The following SPNS2 variants were observed in gnomAD, a reference collection of about 807,000 sequenced individuals.
SPNS2 encodes SPNS lysolipid transporter 2, sphingosine-1-phosphate.
SPNS2 carries 37 observed loss-of-function variants against 57.6 expected under a neutral mutation model. The observed-to-expected ratio is 0.64, with a 90% CI of 0.49 to 0.85. The LOEUF (loss-of-function observed/expected upper bound fraction) is 0.85. Ranked by LOEUF, SPNS2 falls within the 40% of genes least tolerant of loss-of-function variation. The probability of loss-of-function intolerance (pLI) is 0.00; values close to 1 mark genes in which losing one functional copy is unlikely to be tolerated. For missense variants in SPNS2, 831 were observed against 779.1 expected (o/e 1.07, Z -0.79); for synonymous variants, 440 against 346.9 (o/e 1.27, Z -2.98).
Position 4,533,307 on chromosome 17 carries a change from A to C in SPNS2, c.1153A>C (p.Thr385Pro). 1 of 1,611,734 alleles carries C rather than the reference A, an allele frequency of 6.2e-7. No individual in the cohort carries two copies. Among genetic ancestry groups the C allele is most frequent in the Non-Finnish European group, 8.5e-7 (1 of 1,179,286 alleles). The change falls in exon 8 of 13, where the codon ACG (threonine) becomes CCG (proline). Residue 385 changes from threonine to proline, a missense_variant. By Grantham distance (38) the Thr-to-Pro change is conservative (BLOSUM62 -1). This residue lies in a region of SPNS2 where 526 missense variants were observed against 400.9 expected (regional missense o/e 1.31). Coordinates refer to ENST00000329078, the MANE Select transcript of SPNS2 (RefSeq NM_001124758.3). Reference protein sequence around the residue: ...FLGVVTGAGATRWCRLKTQRA... With the variant: ...FLGVVTGAGAPRWCRLKTQRA... ...GGGCGTGGTCACGGGGGCAGGAGCC[A>C]CGCGCTGGTGCCGCCTGAAGACCCA...
At chr17:4,520,383 A>G (rs770052881) in intron 2 of SPNS2, among the ~76,000 whole-genome samples, 47 of 152,072 alleles carry the variant, frequency 3.1e-4, no homozygotes, top group Admixed American at 6.5e-4. Context: ...AGAGGAGAGA[A>G]TGGAGCATGA....
At chr17:4,508,399 C>T (rs1179598036) in intron 1 of SPNS2, among the ~76,000 whole-genome samples, 1 of 152,134 alleles carries the variant, frequency 6.6e-6, no homozygotes, top group Non-Finnish European at 1.5e-5. Context: ...TGGGGAGGGC[C>T]CCAGGAAGCT....
Position 4,536,284 on chromosome 17 carries a change from A to G in SPNS2, c.1465A>G (p.Ser489Gly), listed in dbSNP as rs1428880594. The change falls in exon 11 of 13, where the codon AGC becomes GGC. Residue 489 changes from serine to glycine, a missense_variant. By Grantham distance (56) the Ser-to-Gly change is moderately conservative (BLOSUM62 0). Coordinates refer to ENST00000329078, the MANE Select transcript of SPNS2 (RefSeq NM_001124758.3). Reference protein sequence around the residue: ...IGFISDLIRQSTKDSPLWEFL... With the variant: ...IGFISDLIRQGTKDSPLWEFL... ...GCAGATCTCAGACCTGATCCGCCAG[A>G]GCACTAAGGACTCCCCGCTCTGGGA... 1.2e-6 allele frequency: 2 copies of G among 1,612,606 alleles called. No homozygotes were observed. The highest frequency in any genetic ancestry group is 1.7e-5 in the Admixed American group (1 of 60,004).
intron 1 of SPNS2, among the ~76,000 whole-genome samples, chr17:4,504,652 C>T (rs1904626045): frequency 6.6e-6 from 1 of 152,152 alleles, no homozygotes; most frequent in African/African-American, 2.4e-5. Context: ...CCTGTGGGGG[C>T]CTGAAATCTT....
At chr17:4,534,469 A>C (rs1453891313) in intron 9 of SPNS2, 4 of 158,592 alleles carry the variant, frequency 2.5e-5, no homozygotes, top group African/African-American at 9.6e-5. Context: ...CAGCCTGGCC[A>C]GGGTCAGGAG....
At chr17:4,532,368 GA>G (rs1240175118) in intron 5 of SPNS2, among the ~76,000 whole-genome samples, 173 bp from the exon 6 acceptor site, 8 of 152,082 alleles carry the variant, frequency 5.3e-5, no homozygotes, top group Non-Finnish European at 1.0e-4. Context: ...CCAGTCTCTT[GA>G]CCGACCTCAG....
At chr17:4,502,379 C>CA (rs11327895) in intron 1 of SPNS2, among the ~76,000 whole-genome samples, 1,850 of 138,964 alleles carry the variant, frequency 0.013, 11 homozygotes, top group Middle Eastern at 0.033. Context: ...GGCTCTGTCT[C>CA]AAAAAAAAAA....
At position 4,532,598 on chromosome 17, in the gene SPNS2, C is replaced by T; in HGVS notation, c.849C>T (p.Ala283=). 1 of 1,614,066 alleles carries T rather than the reference C, an allele frequency of 6.2e-7. No individual in the cohort carries two copies. The highest frequency in any genetic ancestry group is 8.5e-7 in the Non-Finnish European group (1 of 1,179,936). Residue 283 remains alanine (A), a synonymous_variant, in exon 6 of 13, where the codon GCC becomes GCT. Transcript: ENST00000329078. ...CACTCATCCTCATTCTGGTCCCAGC[C>T]ACTAAAAGGGGTCATGCCGACCAGC... The part of the protein sequence containing the change: ...TGTLILILVP[A]TKRGHADQLG...
At position 4,538,846 on chromosome 17, in the gene SPNS2, C is replaced by G; in HGVS notation, c.*1398C>G. On this transcript the variant is annotated 3_prime_UTR_variant, in exon 13 of 13. Transcript: ENST00000329078. Reference sequence around the variant, plus strand: ...CCAAAGACCAGCCTCCACCCCCACTCCAGCCTCAGCGGGGCCCCAGCGATG... The same window carrying G: ...CCAAAGACCAGCCTCCACCCCCACTGCAGCCTCAGCGGGGCCCCAGCGATG... 1.3e-6 allele frequency: 1 copy of G among 779,456 alleles called. No homozygotes were observed. The highest frequency in any genetic ancestry group is 2.4e-6 in the Non-Finnish European group (1 of 417,400). The allele number at this position is 779,456 out of a possible 1,614,324, so 48.3% of individuals were successfully genotyped here. A position where few individuals can be genotyped will look rare whatever the true frequency, so the allele number is the denominator to read the frequency against.
rs758074412 is a variant in SPNS2, at chr17:4,512,767, C to T, written c.371-480C>T. Among the ~76,000 whole-genome samples the T allele has an allele frequency of 3.3e-5, 5 of 152,026 alleles. No homozygotes were observed. Among genetic ancestry groups the T allele is most frequent in the East Asian group, 1.9e-4 (1 of 5,176 alleles). On this transcript the variant is annotated intron_variant, in intron 1 of 12. Transcript: ENST00000329078. This position sits in a 1 kb window ranked among gnomAD's most constrained non-coding sequence, Gnocchi z 5.2. ...ATGTACAGGTGTGTGCGTGTGTGTG[C>T]GAATGTGGTTGTGCACATGTGCAGG... is the stretch of plus-strand genomic sequence containing the variant.
At chr17:4,522,926 T>C (rs903425285) in intron 2 of SPNS2, among the ~76,000 whole-genome samples, 1 of 152,240 alleles carries the variant, frequency 6.6e-6, no homozygotes, top group African/African-American at 2.4e-5. Flanking sequence ...CGGCCTTTGT[T>C]CGACATCCCC....
chr17:4,511,395 G>A lies in SPNS2; in HGVS notation c.371-1852G>A, dbSNP rs73335822. On this transcript the variant is annotated intron_variant, in intron 1 of 12. Transcript: ENST00000329078. The surrounding 1 kb of genome is among the most constrained non-coding windows in gnomAD (Gnocchi z 4.6). ...CCATGAGTAGTTTGGGGTGGCTAGT[G>A]GAGGGGTGGTGTCCTGAGAAGTGAG... is the stretch of plus-strand genomic sequence containing the variant. Among the ~76,000 whole-genome samples, 5,701 of 152,300 alleles carry A rather than the reference G, an allele frequency of 0.037. 348 individuals are homozygous for A. The highest frequency in any genetic ancestry group is 0.13 in the African/African-American group (5,403 of 41,528).
In SPNS2 at chr17:4,510,748, G is replaced by A. The variant is rs1177694976; in HGVS notation, c.371-2499G>A. Among the ~76,000 whole-genome samples the A allele has an allele frequency of 1.3e-5, 2 of 152,116 alleles. No individual in the cohort carries two copies. Among genetic ancestry groups the A allele is most frequent in the East Asian group, 1.9e-4 (1 of 5,188 alleles). ...CCTGCTCTGAGTCCTGGAGATGACC[G>A]GCCACGGCTCCTGCCTGGCTTGTGG... On this transcript the variant is annotated intron_variant, in intron 1 of 12. Transcript: ENST00000329078. The surrounding 1 kb of genome is among the most constrained non-coding windows in gnomAD (Gnocchi z 4.4).
At chr17:4,505,573 A>G (rs1257610781) in intron 1 of SPNS2, among the ~76,000 whole-genome samples, 4 of 152,182 alleles carry the variant, frequency 2.6e-5, no homozygotes, top group Non-Finnish European at 5.9e-5. Context: ...GCTTTTCTAC[A>G]TTCAAGAGGG....
At chr17:4,532,449 C>T in intron 5 of SPNS2, 93 bp from the exon 6 acceptor site, 1 of 1,566,872 alleles carries the variant, frequency 6.4e-7, no homozygotes. Flanking sequence ...AGCCTATGGC[C>T]CAGAGAAGGC....
At chr17:4,535,849 T>A (rs1399285895) in intron 9 of SPNS2, among the ~76,000 whole-genome samples, 2 of 146,966 alleles carry the variant, frequency 1.4e-5, no homozygotes, top group African/African-American at 5.2e-5. Flanking sequence ...TGGGAGGGGC[T>A]CAGGGAGGAG....
At chr17:4,536,576 G>T in intron 11 of SPNS2, 150 bp downstream of exon 11, 1 of 1,016,406 alleles carries the variant, frequency 9.8e-7, no homozygotes, top group Non-Finnish European at 1.4e-6. Context: ...CAGCCCTGAG[G>T]CCCAGTGCCA....
intron 1 of SPNS2, among the ~76,000 whole-genome samples, chr17:4,508,242 C>T (rs1904733110): frequency 2.0e-5 from 3 of 152,184 alleles, no homozygotes; most frequent in Admixed American, 1.3e-4. Flanking sequence ...GGAAGAGGCA[C>T]AGCTGTGGCC....
chr17:4,538,937 CCTTT>C lies in SPNS2; in HGVS notation c.*1490_*1493del, dbSNP rs745311309. On this transcript the variant is annotated 3_prime_UTR_variant, in exon 13 of 13. Transcript: ENST00000329078. ...TCTTCCTTCCGGAAGCCAAACTGCTCCTTTATTTTTTAGAGCTGCTGATTGTGAA... is the reference window on the plus strand; with the variant it reads ...TCTTCCTTCCGGAAGCCAAACTGCTCATTTTTTAGAGCTGCTGATTGTGAA... 13 of 783,426 alleles carry C rather than the reference CCTTT, an allele frequency of 1.7e-5. No individual in the cohort carries two copies. Among genetic ancestry groups the C allele is most frequent in the Non-Finnish European group, 2.9e-5 (12 of 420,276 alleles). 48.5% of individuals were successfully genotyped at this position (783,426 alleles called of 1,614,324 possible).
Sources: gnomAD v4.1 joint callset for allele counts (sites outside exome capture counted in the v4.1 genomes callset) on GRCh38, gnomAD v4.1.1 for gene constraint, gnomAD v4.1.1 regional missense constraint, Gnocchi (gnomAD v3.1) non-coding constraint, MANE v1.5 for transcripts, NCBI Gene and HGNC (gene_info 2026-07-23, HGNC 2026-07-21) for gene names.